ANKRD11: variants seen among roughly 807,000 people sequenced by gnomAD.
ANKRD11 encodes the protein ankyrin repeat domain-containing protein 11.
In ANKRD11, 17 loss-of-function variants were observed where a neutral mutation model predicts 195.7. The ratio of observed to expected loss-of-function variants is 0.09; its 90% confidence interval spans 0.06 to 0.13. ANKRD11 has a LOEUF of 0.13. ANKRD11 is among the 10% of genes least tolerant of loss of function. The pLI is 1.00. For missense variants in ANKRD11, 3,735 were observed against 3,566.1 expected (o/e 1.05, Z -1.21); for synonymous variants, 1,953 against 1,528.1 (o/e 1.28, Z -6.49).
chr16:89,442,771 G>A (rs1405935336), intron 1 of ANKRD11, among the ~76,000 whole-genome samples: 1 of 152,128 alleles, frequency 6.6e-6, no homozygotes, highest in African/African-American at 2.4e-5. Flanking sequence ...GCTCCCCGGT[G>A]GCAGGAAGGT....
Position 89,301,156 on chromosome 16 carries a change from G to C in ANKRD11, c.226+4050C>G, listed in dbSNP as rs189071584. 1.6e-3 allele frequency among the ~76,000 whole-genome samples: 244 copies of C among 152,272 alleles called. 2 individuals carry two copies. In the South Asian group the frequency reaches 0.021, roughly 13 times the overall value. ...GGGTCTCACTCTGTCGCCCAGGCTG[G>C]AGGGCAGTGGCGCAATCACGGCTCA... On this transcript the variant is annotated intron_variant, in intron 4 of 12. Transcript: ENST00000301030.
At chr16:89,302,508 C>T (rs888788550) in intron 4 of ANKRD11, among the ~76,000 whole-genome samples, 6 of 152,158 alleles carry the variant, frequency 3.9e-5, no homozygotes, top group Non-Finnish European at 8.8e-5. Flanking sequence ...GCCTCGGCCT[C>T]CCAAAGTACT....
intron 2 of ANKRD11, among the ~76,000 whole-genome samples, chr16:89,347,329 G>A (rs578078601): frequency 3.3e-5 from 5 of 152,168 alleles, no homozygotes; most frequent in Non-Finnish European, 2.9e-5. Context: ...GTTCCGTTCG[G>A]CCGGGCACAC....
At chr16:89,351,319 G>A (rs2039208955) in intron 2 of ANKRD11, among the ~76,000 whole-genome samples, 1 of 152,156 alleles carries the variant, frequency 6.6e-6, no homozygotes, top group Non-Finnish European at 1.5e-5. Context: ...TCCTGAAGGG[G>A]ATGGCATCCA....
At chr16:89,313,573 G>A (rs1385453436) in intron 3 of ANKRD11, 60 of 1,289,010 alleles carry the variant, frequency 4.7e-5, no homozygotes, top group Non-Finnish European at 5.8e-5. Flanking sequence ...CTGAGATCAC[G>A]ATTCTTTTGG....
rs1567569737 is a variant in ANKRD11, at chr16:89,282,271, G to T, written c.4271C>A (p.Ser1424Tyr). 1.2e-6 allele frequency: 2 copies of T among 1,613,804 alleles called. No individual in the cohort carries two copies. The highest frequency in any genetic ancestry group is 1.7e-6 in the Non-Finnish European group (2 of 1,180,022). ...DELDKTIELF[S>Y]TEKKDKNDSE... is the part of the protein sequence containing the mutation. The stretch of plus-strand genomic sequence containing the variant: ...ATCATTTTTATCTTTCTTTTCGGTA[G>T]AAAACAATTCAATGGTTTTATCTAG... Residue 1424 changes from serine to tyrosine, a missense_variant, in exon 9 of 13, where the codon TCT becomes TAT. Transcript: ENST00000301030.
intron 2 of ANKRD11, among the ~76,000 whole-genome samples, chr16:89,402,246 G>C (rs1165428461): frequency 6.6e-6 from 1 of 152,100 alleles, no homozygotes; most frequent in Non-Finnish European, 1.5e-5. Flanking sequence ...ATTATATCTG[G>C]GTGCCTACAC....
intron 2 of ANKRD11, among the ~76,000 whole-genome samples, chr16:89,366,849 G>C (rs1234554442): frequency 6.6e-6 from 1 of 152,182 alleles, no homozygotes; most frequent in Admixed American, 6.5e-5. Flanking sequence ...CACACTTTGG[G>C]CTTTGCAAGC....
intron 1 of ANKRD11, among the ~76,000 whole-genome samples, chr16:89,444,884 G>A (rs930983832): frequency 2.0e-5 from 3 of 152,084 alleles, no homozygotes; most frequent in Non-Finnish European, 4.4e-5. Flanking sequence ...AATGCATGAG[G>A]GGCTTAAGCT....
At position 89,280,396 on chromosome 16, in the gene ANKRD11, G is replaced by A. The variant is rs555015817; in HGVS notation, c.6146C>T (p.Ser2049Phe). 5.1e-6 allele frequency: 8 copies of A among 1,561,482 alleles called. 1 individual carries two copies. The highest frequency in any genetic ancestry group is 4.8e-5 in the South Asian group (4 of 83,800). ...GGCGTAGGGAGCCGCCTCTGAGGTG[G>A]AGATGGCGGCGGGGACGGCGTCCAC... is the stretch of plus-strand genomic sequence containing the variant. Reference protein sequence around the residue: ...DGVDAVPAAISTSEAAPYAPP... With the variant: ...DGVDAVPAAIFTSEAAPYAPP... The change falls in exon 9 of 13, where the codon TCC (serine) becomes TTC (phenylalanine). Residue 2049 changes from serine (S) to phenylalanine (F), a missense_variant. Coordinates refer to ENST00000301030, the MANE Select transcript of ANKRD11 (RefSeq NM_013275.6).
At chr16:89,399,296 A>G (rs2041594447) in intron 2 of ANKRD11, among the ~76,000 whole-genome samples, 1 of 152,212 alleles carries the variant, frequency 6.6e-6, no homozygotes, top group Non-Finnish European at 1.5e-5. Context: ...AGACACTCAT[A>G]GGTGAGTGGA....
chr16:89,469,272 A>C (rs1368528227), intron 1 of ANKRD11, among the ~76,000 whole-genome samples: 1 of 152,060 alleles, frequency 6.6e-6, no homozygotes. Flanking sequence ...CCCAGGCTAG[A>C]GTGCTGTAGC....
chr16:89,345,346 C>T (rs1455622699), intron 2 of ANKRD11, among the ~76,000 whole-genome samples: 1 of 151,860 alleles, frequency 6.6e-6, no homozygotes, highest in African/African-American at 2.4e-5. Flanking sequence ...CGACACCCCC[C>T]GGCACCTGGT....
At chr16:89,301,173 C>G (rs1468401736) in intron 4 of ANKRD11, among the ~76,000 whole-genome samples, 1 of 152,190 alleles carries the variant, frequency 6.6e-6, no homozygotes, top group Non-Finnish European at 1.5e-5. Flanking sequence ...GTGGCGCAAT[C>G]ACGGCTCACT....
rs763657561 is a variant in ANKRD11, at chr16:89,280,336, C to A, written c.6206G>T (p.Cys2069Phe). Residue 2069 changes from cysteine to phenylalanine, a missense_variant, in exon 9 of 13, where the codon TGC becomes TTC. By Grantham distance (205) the Cys-to-Phe change is radical. Transcript: ENST00000301030. The stretch of plus-strand genomic sequence containing the variant: ...CAGCGGGGCTTCCGGAAGTGACTTG[C>A]AGTTGCTGAAGAAGGACTCCAGCCC... ...PSGLESFFSN[C>F]KSLPEAPLDV... 2 of 1,579,710 alleles carry A rather than the reference C, an allele frequency of 1.3e-6. No homozygotes were observed. The highest frequency in any genetic ancestry group is 2.3e-5 in the South Asian group (2 of 87,830).
At chr16:89,480,203 G>A (rs770350345) in intron 1 of ANKRD11, among the ~76,000 whole-genome samples, 4 of 152,152 alleles carry the variant, frequency 2.6e-5, no homozygotes, top group East Asian at 1.9e-4. Context: ...TAGGCCAGGC[G>A]TGATGGCTGA....
intron 1 of ANKRD11, among the ~76,000 whole-genome samples, chr16:89,455,246 T>C (rs1049632870): frequency 2.0e-5 from 3 of 147,724 alleles, no homozygotes; most frequent in African/African-American, 7.6e-5. Flanking sequence ...CCCTGGGTGC[T>C]GTTAGGCTTC....
chr16:89,293,064 C>G lies in ANKRD11; in HGVS notation c.227-1881G>C, dbSNP rs979325397. ...CTCTCCAGGAGGGGCCCACACTCACCGAGCAGCTGGTCTGCCCACAGTCGC... is the reference window on the plus strand; with the variant it reads ...CTCTCCAGGAGGGGCCCACACTCACGGAGCAGCTGGTCTGCCCACAGTCGC... On this transcript the variant is annotated intron_variant, in intron 4 of 12. Transcript: ENST00000301030. Among the ~76,000 whole-genome samples the G allele has an allele frequency of 5.9e-5, 9 of 152,162 alleles. 1 individual carries two copies. Among genetic ancestry groups the G allele is most frequent in the Admixed American group, 2.6e-4 (4 of 15,276 alleles).
intron 2 of ANKRD11, among the ~76,000 whole-genome samples, chr16:89,322,498 T>C (rs1381852464): frequency 6.6e-6 from 1 of 152,160 alleles, no homozygotes; most frequent in Non-Finnish European, 1.5e-5. Flanking sequence ...GCACGTGGCC[T>C]CAGAGGCCCA....
Sources: allele counts gnomAD v4.1 joint callset (sites outside exome capture counted in the v4.1 genomes callset), GRCh38; gene constraint gnomAD v4.1.1; transcripts MANE v1.5; gene names NCBI Gene and HGNC (gene_info 2026-07-23, HGNC 2026-07-21).